MACF1: variants seen among roughly 807,000 people sequenced by gnomAD.
MACF1 encodes microtubule-actin cross-linking factor 1.
Under a neutral mutation model 854.8 loss-of-function variants are expected in MACF1, and 193 were observed. The ratio of observed to expected loss-of-function variants is 0.23; its 90% confidence interval spans 0.20 to 0.25. The LOEUF is 0.25. Among genes scored for constraint, MACF1 ranks in the 10% least tolerant of loss-of-function variants. The pLI is 1.00. For synonymous variants in MACF1, 3,185 were observed against 3,226.7 expected, an observed-to-expected ratio of 0.99 and a Z score of 0.44; for missense variants, 7,722 against 8,929.1, an observed-to-expected ratio of 0.86 and a Z score of 5.45.
intron 6 of MACF1, among the ~76,000 whole-genome samples, chr1:39,267,474 G>T (rs936521624): frequency 1.3e-5 from 2 of 152,136 alleles, no homozygotes; most frequent in African/African-American, 4.8e-5. Flanking sequence ...CAGGCAATCC[G>T]CCTGCCTTGG....
chr1:39,109,269 T>C (rs1642331397), intron 2 of MACF1, among the ~76,000 whole-genome samples: 1 of 152,160 alleles, frequency 6.6e-6, no homozygotes, highest in African/African-American at 2.4e-5. Flanking sequence ...TTCCATTTTA[T>C]TTTACTTTAC....
At chr1:39,258,821 G>A (rs1051146492) in intron 6 of MACF1, among the ~76,000 whole-genome samples, 2 of 152,194 alleles carry the variant, frequency 1.3e-5, no homozygotes, top group East Asian at 1.9e-4. Flanking sequence ...CATCCTAGCT[G>A]GGGAGTTGGC....
chr1:39,448,617 C>T lies in MACF1; in HGVS notation c.20112C>T (p.Gly6704=). 2 of 1,571,348 alleles carry T rather than the reference C, an allele frequency of 1.3e-6. No individual in the cohort carries two copies. Among genetic ancestry groups the T allele is most frequent in the Non-Finnish European group, 8.6e-7 (1 of 1,157,026 alleles). The change falls in exon 84 of 101, where the codon GGC becomes GGT. Residue 6704 remains glycine (G), a synonymous_variant. Transcript: ENST00000564288. The part of the protein sequence containing the change: ...KHKEFQKTLG[G]KQPVYDTTIR... The stretch of plus-strand genomic sequence containing the variant: ...AGGAGTTTCAGAAGACTCTTGGTGG[C>T]AAGCAGCCTGTGTATGATACCACAA...
intron 35 of MACF1, among the ~76,000 whole-genome samples, chr1:39,326,943 A>C (rs1450316986): frequency 6.6e-6 from 1 of 152,180 alleles, no homozygotes; most frequent in Admixed American, 6.5e-5. Flanking sequence ...ATAATTTCAG[A>C]TGATAGGATC....
In MACF1 at chr1:39,334,376, A is replaced by G. The variant is rs757136718; in HGVS notation, c.7788A>G (p.Ala2596=). ...DLISGQRLTL[A]EAKKEGLLTN... ...TTTCTGGTCAGAGATTGACCTTGGC[A>G]GAAGCTAAAAAAGAAGGACTGTTAA... The change falls in exon 37 of 101, where the codon GCA becomes GCG. Residue 2596 remains alanine (A), a synonymous_variant. Transcript: ENST00000564288. The G allele has an allele frequency of 6.2e-7, 1 of 1,614,166 alleles. No individual in the cohort carries two copies. The highest frequency in any genetic ancestry group is 1.1e-5 in the South Asian group (1 of 91,080).
intron 55 of MACF1, 103 bp from the exon 56 acceptor site, chr1:39,381,850 C>A: frequency 1.2e-6 from 1 of 810,892 alleles, no homozygotes; most frequent in South Asian, 1.4e-5. Flanking sequence ...AAATAAATAA[C>A]GCTTCTGGGG....
chr1:39,412,408 T>G (rs1569954239), intron 58 of MACF1: 2 of 1,613,984 alleles, frequency 1.2e-6, no homozygotes, highest in African/African-American at 2.7e-5. Flanking sequence ...GGAGAAAGTT[T>G]GTGATGAGGA....
At chr1:39,265,253 G>C (rs1215980754) in intron 6 of MACF1, among the ~76,000 whole-genome samples, 1 of 152,062 alleles carries the variant, frequency 6.6e-6, no homozygotes, top group Non-Finnish European at 1.5e-5. Flanking sequence ...TTTTTGGAAT[G>C]AATGAATGAA....
At chr1:39,305,567 C>T (rs960919417) in intron 23 of MACF1, among the ~76,000 whole-genome samples, 1 of 152,184 alleles carries the variant, frequency 6.6e-6, no homozygotes, top group African/African-American at 2.4e-5. Context: ...TATATGCAAA[C>T]ACTTCTTCCG....
At chr1:39,421,183 G>A (rs1279575440) in intron 58 of MACF1, among the ~76,000 whole-genome samples, 3 of 152,078 alleles carry the variant, frequency 2.0e-5, no homozygotes, top group Non-Finnish European at 2.9e-5. Flanking sequence ...CTCTTAATGT[G>A]GCAGAAGTAC....
chr1:39,138,452 G>A (rs1005947554), intron 2 of MACF1, among the ~76,000 whole-genome samples: 20 of 151,696 alleles, frequency 1.3e-4, no homozygotes, highest in Admixed American at 1.2e-3. Flanking sequence ...GGGCATGGTG[G>A]CGGGTGCCTG....
At chr1:39,267,017 G>T (rs1281642453) in intron 6 of MACF1, among the ~76,000 whole-genome samples, 1 of 152,106 alleles carries the variant, frequency 6.6e-6, no homozygotes, top group Non-Finnish European at 1.5e-5. Flanking sequence ...TTGAGCTCTT[G>T]GTCCATGCAG....
chr1:39,322,004 A>G (rs957845171), intron 31 of MACF1, among the ~76,000 whole-genome samples: 1 of 152,238 alleles, frequency 6.6e-6, no homozygotes, highest in African/African-American at 2.4e-5. Flanking sequence ...TGAGAGAAGA[A>G]GAGAGTGGAC....
At chr1:39,188,627 G>T (rs1181387666) in intron 2 of MACF1, among the ~76,000 whole-genome samples, 2 of 152,050 alleles carry the variant, frequency 1.3e-5, no homozygotes, top group African/African-American at 2.4e-5. Flanking sequence ...AAAGTTTATT[G>T]ATTGATTGAT....
At chr1:39,202,469 T>C (rs1285787369), upstream of MACF1, among the ~76,000 whole-genome samples, 1 of 151,464 alleles carries the variant, frequency 6.6e-6, no homozygotes, top group Non-Finnish European at 1.5e-5. Flanking sequence ...ACCCCATCTC[T>C]ACTAAAAATA....
chr1:39,128,748 C>G (rs1642925429), intron 2 of MACF1, among the ~76,000 whole-genome samples: 1 of 152,084 alleles, frequency 6.6e-6, no homozygotes, highest in Non-Finnish European at 1.5e-5. Context: ...TAGTCTTTCC[C>G]TCACCTCCTG....
At chr1:39,369,886 A>G in intron 50 of MACF1, 144 bp from the exon 51 acceptor site, 2 of 707,912 alleles carry the variant, frequency 2.8e-6, no homozygotes, top group South Asian at 2.0e-5. Context: ...GCGGTTGTTC[A>G]GCCAAACCTG....
At position 39,463,623 on chromosome 1, in the gene MACF1, A is replaced by G; in HGVS notation, c.21690A>G (p.Gln7230=). ...TTCACACCCAATAGGTTACAAGACA[A>G]GTGGCTCAGTGCAAATGTGCAAAAA... ...ADKIEDEVTR[Q]VAQCKCAKRF... The change falls in exon 94 of 101, where the codon CAA becomes CAG. Residue 7230 remains glutamine (Q), a synonymous_variant. Coordinates refer to ENST00000564288, the MANE Select transcript of MACF1 (RefSeq NM_001394062.1). 6.2e-7 allele frequency: 1 copy of G among 1,613,604 alleles called. No homozygotes were observed. The highest frequency in any genetic ancestry group is 8.5e-7 in the Non-Finnish European group (1 of 1,179,568).
At chr1:39,288,663 C>T (rs1645703104) in intron 15 of MACF1, among the ~76,000 whole-genome samples, 2 of 151,946 alleles carry the variant, frequency 1.3e-5, no homozygotes, top group South Asian at 4.2e-4. Flanking sequence ...TGATGGCGCG[C>T]ACCGGTGGTC....
Sources: allele counts gnomAD v4.1 joint callset (sites outside exome capture counted in the v4.1 genomes callset), GRCh38; gene constraint gnomAD v4.1.1; transcripts MANE v1.5; gene names NCBI Gene and HGNC (gene_info 2026-07-23, HGNC 2026-07-21).